The following FSHR variants were observed in gnomAD, a reference collection of about 807,000 sequenced individuals.
FSHR encodes follicle stimulating hormone receptor.
Under a neutral mutation model 52.1 loss-of-function variants are expected in FSHR, and 46 were observed. That is an observed-to-expected ratio of 0.88 (90% CI 0.70 to 1.13). The LOEUF is 1.13. Among genes scored for constraint, FSHR ranks in the 50% most tolerant of loss-of-function variants. The pLI is 0.00. For synonymous variants in FSHR, 399 were observed against 309.6 expected (o/e 1.29, Z -3.03); for missense variants, 964 against 834.6 (o/e 1.16, Z -1.91).
intron 1 of FSHR, 45 bp downstream of exon 1, chr2:49,154,221 A>G: frequency 6.3e-7 from 1 of 1,598,644 alleles, no homozygotes. Flanking sequence ...TACGCAATGC[A>G]CAAATGCCAG....
chr2:49,110,002 G>A (rs1671368228), intron 1 of FSHR, among the ~76,000 whole-genome samples: 1 of 152,126 alleles, frequency 6.6e-6, no homozygotes, highest in Non-Finnish European at 1.5e-5. Flanking sequence ...GGCAGGGTCA[G>A]AACAGTTGCA....
intron 1 of FSHR, among the ~76,000 whole-genome samples, chr2:49,124,185 A>AG (rs1671919876): frequency 6.7e-6 from 1 of 149,592 alleles, no homozygotes; most frequent in South Asian, 2.1e-4. Context: ...TAAGTAGAGA[A>AG]GGGGTTTCAC....
In FSHR at chr2:49,062,607, A is replaced by G. The variant is rs1426756370; in HGVS notation, c.224+5612T>C. Among the ~76,000 whole-genome samples the G allele has an allele frequency of 2.6e-5, 4 of 152,098 alleles. No homozygotes were observed. In the East Asian group the frequency reaches 7.7e-4, roughly 29 times the overall value. On this transcript the variant is annotated intron_variant, in intron 2 of 9. Coordinates refer to ENST00000406846, the MANE Select transcript of FSHR (RefSeq NM_000145.4). ...AAAAAGCATCTGTAGAGCAAAGGAA[A>G]CAACCGAGTGAAGAGCCAACCTTCA...
intron 2 of FSHR, among the ~76,000 whole-genome samples, chr2:49,044,136 G>A (rs1253909844): frequency 6.6e-6 from 1 of 152,184 alleles, no homozygotes; most frequent in Non-Finnish European, 1.5e-5. Context: ...TAATATGGAA[G>A]ACTGGCAGCG....
intron 2 of FSHR, among the ~76,000 whole-genome samples, chr2:49,065,689 G>A (rs1011155950): frequency 6.6e-6 from 1 of 152,086 alleles, no homozygotes; most frequent in South Asian, 2.1e-4. Flanking sequence ...GGTTGCAGAT[G>A]AAAGTTTAGG....
At chr2:49,078,088 T>C (rs1023021402) in intron 1 of FSHR, among the ~76,000 whole-genome samples, 1 of 152,204 alleles carries the variant, frequency 6.6e-6, no homozygotes, top group Admixed American at 6.5e-5. Flanking sequence ...TTTACTGTTT[T>C]AGTCCACTTT....
chr2:49,054,105 G>A (rs925056819), intron 2 of FSHR, among the ~76,000 whole-genome samples: 1 of 152,112 alleles, frequency 6.6e-6, no homozygotes, highest in Non-Finnish European at 1.5e-5. Context: ...TACCCATTGT[G>A]TTACCTTGGA....
intron 8 of FSHR, among the ~76,000 whole-genome samples, chr2:48,979,712 T>C (rs1435812768): frequency 6.6e-6 from 1 of 152,136 alleles, no homozygotes; most frequent in Non-Finnish European, 1.5e-5. Context: ...TTGTTGCAAA[T>C]GCATTACCCT....
At chr2:49,070,135 A>G (rs1383078905) in intron 1 of FSHR, among the ~76,000 whole-genome samples, 3 of 152,180 alleles carry the variant, frequency 2.0e-5, no homozygotes, top group Non-Finnish European at 4.4e-5. Flanking sequence ...AATTGCCAGG[A>G]AACAGTTGAG....
chr2:49,084,060 C>T (rs1248823607), intron 1 of FSHR, among the ~76,000 whole-genome samples: 1 of 151,758 alleles, frequency 6.6e-6, no homozygotes, highest in East Asian at 1.9e-4. Flanking sequence ...CAGCACCACA[C>T]CACACCTATT....
At chr2:49,051,728 A>G (rs1279971956) in intron 2 of FSHR, among the ~76,000 whole-genome samples, 12 of 152,000 alleles carry the variant, frequency 7.9e-5, no homozygotes. Context: ...CCAAAATAAC[A>G]CTTTTATTTT....
chr2:49,111,186 GC>G (rs1451328671), intron 1 of FSHR, among the ~76,000 whole-genome samples: 2 of 152,164 alleles, frequency 1.3e-5, no homozygotes, highest in Non-Finnish European at 2.9e-5. Flanking sequence ...GAGAATGGCA[GC>G]CCCAGACCCC....
At chr2:48,971,712 A>G (rs1303733536) in intron 8 of FSHR, among the ~76,000 whole-genome samples, 1 of 152,142 alleles carries the variant, frequency 6.6e-6, no homozygotes, top group Non-Finnish European at 1.5e-5. Flanking sequence ...TCCAACAATG[A>G]TTTTGGATTT....
At chr2:49,128,084 G>T (rs1026464000) in intron 1 of FSHR, among the ~76,000 whole-genome samples, 5 of 151,600 alleles carry the variant, frequency 3.3e-5, no homozygotes, top group South Asian at 2.1e-4. Context: ...GTTTCACCAT[G>T]TTGGCCAGGC....
intron 2 of FSHR, among the ~76,000 whole-genome samples, chr2:49,047,472 G>A (rs1300745630): frequency 6.6e-6 from 1 of 152,190 alleles, no homozygotes; most frequent in African/African-American, 2.4e-5. Flanking sequence ...CGATCACCCT[G>A]CTCTCAAATT....
chr2:48,966,243 C>G (rs1674472768), intron 9 of FSHR, among the ~76,000 whole-genome samples: 1 of 152,116 alleles, frequency 6.6e-6, no homozygotes, highest in Non-Finnish European at 1.5e-5. Context: ...TTATGGAATT[C>G]TTGAGGTCTA....
chr2:49,033,285 A>AT (rs757082531), intron 2 of FSHR, among the ~76,000 whole-genome samples: 2 of 152,032 alleles, frequency 1.3e-5, no homozygotes, highest in Non-Finnish European at 2.9e-5. Context: ...GTTGAGTGTG[A>AT]TTTTTTTTCA....
intron 4 of FSHR, among the ~76,000 whole-genome samples, chr2:49,008,109 G>T (rs1573084088): frequency 6.7e-6 from 1 of 148,270 alleles, no homozygotes; most frequent in Non-Finnish European, 1.5e-5. Context: ...CATGTGCCAT[G>T]CTGGTGCACT....
intron 1 of FSHR, among the ~76,000 whole-genome samples, chr2:49,096,123 T>G (rs1291979192): frequency 6.6e-6 from 1 of 152,184 alleles, no homozygotes; most frequent in Non-Finnish European, 1.5e-5. Context: ...TATGTATTTA[T>G]TCAAGAGTAT....
Sources: gnomAD v4.1 joint callset for allele counts (sites outside exome capture counted in the v4.1 genomes callset) on GRCh38, gnomAD v4.1.1 for gene constraint, MANE v1.5 for transcripts, NCBI Gene and HGNC (gene_info 2026-07-23, HGNC 2026-07-21) for gene names.